Variants in INPP5A observed in about 807,000 individuals in gnomAD.
INPP5A encodes the protein inositol polyphosphate-5-phosphatase A.
INPP5A carries 14 observed loss-of-function variants against 65.2 expected under a neutral mutation model. The observed-to-expected ratio is 0.21, with a 90% CI of 0.14 to 0.34. INPP5A has a LOEUF of 0.34. INPP5A is among the 10% of genes least tolerant of loss of function. The pLI is 1.00. For missense variants in INPP5A, 431 were observed against 545.6 expected, an observed-to-expected ratio of 0.79 and a Z score of 2.09; for synonymous variants, 207 against 208.3, an observed-to-expected ratio of 0.99 and a Z score of 0.05.
At chr10:132,740,284 T>A (rs1039705485) in intron 9 of INPP5A, among the ~76,000 whole-genome samples, 2 of 152,210 alleles carry the variant, frequency 1.3e-5, no homozygotes, top group African/African-American at 2.4e-5. Flanking sequence ...GTAGGCTCCA[T>A]AGTTTTCTGA....
chr10:132,538,832 A>G lies in INPP5A; in HGVS notation c.75+661A>G, dbSNP rs1309880650. ...CCCAACCTCCTGTCCCTGTTCCCCA[A>G]TCACTGAATTCTAGCCCTAGAATCC... On this transcript the variant is annotated intron_variant, in intron 1 of 15. Coordinates refer to ENST00000368594, the MANE Select transcript of INPP5A (RefSeq NM_005539.5). The surrounding 1 kb of genome is among the most constrained non-coding windows in gnomAD (Gnocchi z 4.1). Among the ~76,000 whole-genome samples, 1 of 152,080 alleles carries G rather than the reference A, an allele frequency of 6.6e-6. No homozygotes were observed. Among genetic ancestry groups the G allele is most frequent in the Non-Finnish European group, 1.5e-5 (1 of 67,992 alleles).
intron 5 of INPP5A, among the ~76,000 whole-genome samples, chr10:132,696,818 C>T (rs1424204228): frequency 6.6e-6 from 1 of 152,158 alleles, no homozygotes; most frequent in East Asian, 1.9e-4. Flanking sequence ...GACCACAGCA[C>T]CCAGGGCCGG....
intron 12 of INPP5A, among the ~76,000 whole-genome samples, chr10:132,774,404 G>A (rs192393390): frequency 7.1e-4 from 108 of 152,362 alleles, no homozygotes; most frequent in African/African-American, 2.4e-3. Flanking sequence ...CAGAGGAGGG[G>A]CTTTCACCCT....
At chr10:132,573,119 C>T (rs1484030817) in intron 1 of INPP5A, among the ~76,000 whole-genome samples, 33 of 109,396 alleles carry the variant, frequency 3.0e-4, no homozygotes, top group South Asian at 3.1e-4. Context: ...GTGTGTGTGC[C>T]GTGTGAGGTT....
At chr10:132,751,364 G>A (rs1169865635) in intron 11 of INPP5A, among the ~76,000 whole-genome samples, 13 of 152,324 alleles carry the variant, frequency 8.5e-5, no homozygotes, top group East Asian at 5.8e-4. Context: ...GGTTTCCTCC[G>A]CTTCTCTCCA....
chr10:132,606,479 G>A (rs994542773), intron 1 of INPP5A, among the ~76,000 whole-genome samples: 3 of 152,238 alleles, frequency 2.0e-5, no homozygotes, highest in Non-Finnish European at 1.5e-5. Flanking sequence ...CTTCGCGTGT[G>A]TGTGTGCTGG....
In INPP5A at chr10:132,577,791, G is replaced by C. The variant is rs1590842763; in HGVS notation, c.76-30124G>C. On this transcript the variant is annotated intron_variant, in intron 1 of 15. Transcript: ENST00000368594. ...TCGTGGCCTCCTAGTGACCTCTCCTGGTCACTGGACAGCAGCCTCTCTCGC... is the reference window on the plus strand; with the variant it reads ...TCGTGGCCTCCTAGTGACCTCTCCTCGTCACTGGACAGCAGCCTCTCTCGC... 3.9e-5 allele frequency among the ~76,000 whole-genome samples: 6 copies of C among 152,198 alleles called. No individual in the cohort carries two copies. The South Asian group carries it at 1.2e-3, about 32-fold the overall frequency.
intron 6 of INPP5A, among the ~76,000 whole-genome samples, chr10:132,701,031 T>C (rs1294921817): frequency 1.3e-5 from 2 of 152,202 alleles, no homozygotes; most frequent in African/African-American, 4.8e-5. Flanking sequence ...GGCTGCAAGC[T>C]CTCATGAAGG....
intron 4 of INPP5A, among the ~76,000 whole-genome samples, chr10:132,688,903 C>A (rs1217558057): frequency 6.7e-6 from 1 of 148,900 alleles, no homozygotes; most frequent in African/African-American, 2.5e-5. Context: ...GGAGAGCAAG[C>A]ACGTGAGTGT....
intron 4 of INPP5A, among the ~76,000 whole-genome samples, chr10:132,665,248 C>T (rs892769577): frequency 4.6e-5 from 7 of 152,208 alleles, no homozygotes; most frequent in Admixed American, 1.3e-4. Flanking sequence ...CAGCGCACCC[C>T]GCAGCGGCCA....
chr10:132,636,964 C>G (rs1377612558), intron 2 of INPP5A, among the ~76,000 whole-genome samples: 1 of 152,136 alleles, frequency 6.6e-6, no homozygotes, highest in Non-Finnish European at 1.5e-5. Context: ...TGTCGCCAGG[C>G]TGGAGTGCAG....
chr10:132,548,472 G>A (rs1026938346), intron 1 of INPP5A, among the ~76,000 whole-genome samples: 4 of 152,164 alleles, frequency 2.6e-5, no homozygotes, highest in Non-Finnish European at 5.9e-5. Flanking sequence ...TTGTGTTTGC[G>A]CGTTTAACAG....
At chr10:132,766,130 G>T (rs1435936495) in intron 12 of INPP5A, among the ~76,000 whole-genome samples, 1 of 150,586 alleles carries the variant, frequency 6.6e-6, no homozygotes, top group Non-Finnish European at 1.5e-5. Context: ...CTGTGCATCT[G>T]TGTGTGCACG....
At chr10:132,764,803 G>T (rs1846808147) in intron 11 of INPP5A, among the ~76,000 whole-genome samples, 1 of 143,828 alleles carries the variant, frequency 7.0e-6, no homozygotes, top group Non-Finnish European at 1.5e-5. Flanking sequence ...GGTCGGGCCA[G>T]TCCTGCAGGG....
chr10:132,553,063 A>C (rs1268160343), intron 1 of INPP5A, among the ~76,000 whole-genome samples: 5 of 120,754 alleles, frequency 4.1e-5, no homozygotes, highest in Admixed American at 1.7e-4. Flanking sequence ...GCCTTGGTGG[A>C]ATATTGAGTA....
intron 12 of INPP5A, among the ~76,000 whole-genome samples, chr10:132,769,280 A>G (rs1846908176): frequency 6.6e-6 from 1 of 152,236 alleles, no homozygotes; most frequent in Non-Finnish European, 1.5e-5. Flanking sequence ...GTCCTTAACT[A>G]AAAGCACGGT....
rs112194302 is a variant in INPP5A at position 132,606,848 on chromosome 10, C to G, written c.76-1067C>G. ...TATTGTTTTTAATCGCGGCAAAAAC[C>G]CACAACATTAAATTTACCACCTTAA... On this transcript the variant is annotated intron_variant, in intron 1 of 15. Coordinates refer to ENST00000368594, the MANE Select transcript of INPP5A (RefSeq NM_005539.5). 8.1e-3 allele frequency among the ~76,000 whole-genome samples: 1,239 copies of G among 152,322 alleles called. 15 individuals are homozygous for G. Among genetic ancestry groups the G allele is most frequent in the African/African-American group, 0.029 (1,188 of 41,568 alleles).
At chr10:132,628,467 G>GGT (rs1196731507) in intron 2 of INPP5A, among the ~76,000 whole-genome samples, 2 of 143,470 alleles carry the variant, frequency 1.4e-5, no homozygotes, top group East Asian at 2.1e-4. Flanking sequence ...TGGTGGCGGG[G>GGT]GGGGGGGGGG....
intron 1 of INPP5A, among the ~76,000 whole-genome samples, chr10:132,601,901 G>A (rs1236130314): frequency 6.6e-6 from 1 of 152,218 alleles, no homozygotes. Context: ...ATAAGGAATT[G>A]TGAGGTTTCC....
Sources: allele counts gnomAD v4.1 joint callset (sites outside exome capture counted in the v4.1 genomes callset), GRCh38; gene constraint gnomAD v4.1.1; non-coding constraint Gnocchi (gnomAD v3.1); transcripts MANE v1.5; gene names NCBI Gene and HGNC (gene_info 2026-07-23, HGNC 2026-07-21).